The following PLCG2 variants were observed in gnomAD, a reference collection of about 807,000 sequenced individuals.
The protein encoded by PLCG2 is 1-phosphatidylinositol 4,5-bisphosphate phosphodiesterase gamma-2.
Under a neutral mutation model 175.6 loss-of-function variants are expected in PLCG2, and 69 were observed. The ratio of observed to expected loss-of-function variants is 0.39; its 90% CI spans 0.32 to 0.48. PLCG2 has a LOEUF of 0.48. Ranked by LOEUF, PLCG2 falls within the 20% of genes least tolerant of loss-of-function variation. The pLI, the probability that PLCG2 is intolerant of heterozygous loss-of-function variation, is 0.91. For synonymous variants in PLCG2, 827 were observed against 624.0 expected (o/e 1.33, Z -4.85); for missense variants, 1,798 against 1,650.9 (o/e 1.09, Z -1.54).
At chr16:81,889,392 A>G (rs1908525938) in intron 10 of PLCG2, 119 bp downstream of exon 10, 2 of 633,068 alleles carry the variant, frequency 3.2e-6, no homozygotes, top group Admixed American at 5.6e-5. Flanking sequence ...TGTTGCCTCG[A>G]CTGACTGGTT....
At chr16:81,928,823 G>GTC (rs1328170404) in intron 24 of PLCG2, 199 bp downstream of exon 24, 1 of 499,764 alleles carries the variant, frequency 2.0e-6, no homozygotes, top group African/African-American at 1.9e-5. Context: ...TACTAAAACT[G>GTC]TAAGTGCTAA....
At chr16:81,920,028 GGAGGAAGA>G (rs1444963554) in intron 20 of PLCG2, among the ~76,000 whole-genome samples, 1 of 152,196 alleles carries the variant, frequency 6.6e-6, no homozygotes, top group Non-Finnish European at 1.5e-5. Context: ...GGTATGTTCT[GGAGGAAGA>G]GAGGATAGCA....
chr16:81,740,746 A>C (rs1597299415), intron 1 of PLCG2, among the ~76,000 whole-genome samples: 2 of 142,984 alleles, frequency 1.4e-5, no homozygotes, highest in South Asian at 2.3e-4. Flanking sequence ...AAAAAAAAAA[A>C]AAAAAAAAAA....
At chr16:81,945,382 A>G (rs2143752375) in intron 30 of PLCG2, among the ~76,000 whole-genome samples, 1 of 152,388 alleles carries the variant, frequency 6.6e-6, no homozygotes, top group South Asian at 2.1e-4. Context: ...GTAAGGCACT[A>G]TCATTTGTGA....
At position 81,786,001 on chromosome 16, in the gene PLCG2, G is replaced by T. The variant is rs376949064; in HGVS notation, c.12G>T (p.Thr4=). 6.2e-7 allele frequency: 1 copy of T among 1,613,832 alleles called. No individual in the cohort carries two copies. Among genetic ancestry groups the T allele is most frequent in the Admixed American group, 1.7e-5 (1 of 59,954 alleles). Residue 4 remains threonine (T), a synonymous_variant, in exon 2 of 33, where the codon ACG becomes ACT. Coordinates refer to ENST00000564138, the MANE Select transcript of PLCG2 (RefSeq NM_002661.5). Reference sequence around the variant, plus strand: ...TGGAGCGGCCGACAATGTCCACCACGGTCAATGTAGATTCCCTTGCGGAAT... The same window carrying T: ...TGGAGCGGCCGACAATGTCCACCACTGTCAATGTAGATTCCCTTGCGGAAT... MST[T]VNVDSLAEYE... is the part of the protein sequence containing the mutation.
rs867610672 is a variant in PLCG2, at chr16:81,960,886, C to T, written c.*2888C>T. The T allele has an allele frequency of 4.4e-6, 1 of 229,436 alleles. No homozygotes were observed. Among genetic ancestry groups the T allele is most frequent in the South Asian group, 1.8e-4 (1 of 5,488 alleles). 14.2% of individuals were successfully genotyped at this position (229,436 alleles called of 1,614,324 possible). Reference sequence around the variant, plus strand: ...GGAGCAGTGTTCAGAGCCTCATCTTCCTGTTATATTCTTCTCTAAGATTCA... The same window carrying T: ...GGAGCAGTGTTCAGAGCCTCATCTTTCTGTTATATTCTTCTCTAAGATTCA... On this transcript the variant is annotated 3_prime_UTR_variant, in exon 33 of 33. Transcript: ENST00000564138.
At position 81,760,552 on chromosome 16, in the gene PLCG2, G is replaced by C. The variant is rs575824720; in HGVS notation, c.-48+4586G>C. On this transcript the variant is annotated intron_variant, in intron 2 of 5. Coordinates refer to the PLCG2 transcript ENST00000565054. ...GGCTAGGTGTGGCCTTATATGGGGA[G>C]GCAGTCAAACATAGGAGGTCAAATT... 4.6e-5 allele frequency among the ~76,000 whole-genome samples: 7 copies of C among 152,026 alleles called. No individual in the cohort carries two copies. The East Asian group carries it at 1.2e-3, about 25-fold the overall frequency.
chr16:81,758,192 G>C (rs759113110), intron 2 of PLCG2, among the ~76,000 whole-genome samples: 1 of 152,130 alleles, frequency 6.6e-6, no homozygotes, highest in African/African-American at 2.4e-5. Context: ...TCCTCAGGCT[G>C]ATTTCAAAGT....
At chr16:81,928,524 C>G in intron 23 of PLCG2, 34 bp from the exon 24 acceptor site, 2 of 1,363,766 alleles carry the variant, frequency 1.5e-6, no homozygotes, top group South Asian at 2.3e-5. Context: ...ATTCCCGTTA[C>G]AACTAACGTG....
At chr16:81,937,963 G>C (rs528089075) in intron 28 of PLCG2, 60 bp downstream of exon 28, 7 of 1,557,476 alleles carry the variant, frequency 4.5e-6, no homozygotes, top group South Asian at 2.3e-5. Context: ...GGGCTGGGCC[G>C]ATGCTGTCTT....
intron 7 of PLCG2, among the ~76,000 whole-genome samples, chr16:81,879,215 G>A (rs1907961392): frequency 2.0e-5 from 3 of 152,194 alleles, no homozygotes; most frequent in Non-Finnish European, 4.4e-5. Flanking sequence ...AGCTGGGTGT[G>A]GGGCTTTGGG....
At chr16:81,911,641 C>A (rs867793714) in intron 18 of PLCG2, among the ~76,000 whole-genome samples, 1 of 151,592 alleles carries the variant, frequency 6.6e-6, no homozygotes, top group Non-Finnish European at 1.5e-5. Context: ...GACCGGGTCT[C>A]GCTCTGTCTC....
At chr16:81,925,572 C>T (rs1054807903) in intron 22 of PLCG2, among the ~76,000 whole-genome samples, 3 of 152,168 alleles carry the variant, frequency 2.0e-5, no homozygotes, top group African/African-American at 2.4e-5. Flanking sequence ...CCCACCACCA[C>T]GGAGCACAGA....
chr16:81,856,122 A>G (rs931419891), intron 3 of PLCG2, among the ~76,000 whole-genome samples: 1 of 152,174 alleles, frequency 6.6e-6, no homozygotes, highest in African/African-American at 2.4e-5. Flanking sequence ...CAAGATTTTG[A>G]TTCACATTCC....
chr16:81,785,927 A>C lies in PLCG2; in HGVS notation c.-47-16A>C, dbSNP rs114215669. The C allele has an allele frequency of 2.9e-3, 4,302 of 1,483,712 alleles. 83 individuals are homozygous for C. In the African/African-American group the frequency reaches 0.044, roughly 15 times the overall value. 91.9% of individuals were successfully genotyped at this position (1,483,712 alleles called of 1,614,324 possible). A position where few individuals can be genotyped will look rare whatever the true frequency, so the allele number is the denominator to read the frequency against. On this transcript the variant is annotated splice_polypyrimidine_tract_variant and intron_variant, in intron 1 of 32. Coordinates refer to ENST00000564138, the MANE Select transcript of PLCG2 (RefSeq NM_002661.5). ...CAGTACTAAAATCAGTTCACTCTTT[A>C]ATTCTGCCCTTTCAGCTTCCTGATT...
intron 2 of PLCG2, among the ~76,000 whole-genome samples, chr16:81,789,971 A>G (rs1003712851): frequency 6.6e-6 from 1 of 152,030 alleles, no homozygotes; most frequent in African/African-American, 2.4e-5. Flanking sequence ...TTTATTAGGT[A>G]TGAGCAGTCT....
intron 2 of PLCG2, among the ~76,000 whole-genome samples, chr16:81,839,241 C>T (rs1567491657): frequency 1.3e-5 from 2 of 152,032 alleles, no homozygotes; most frequent in Admixed American, 6.6e-5. Context: ...ATAGTATCAG[C>T]AGTAGGCAGA....
In PLCG2 at chr16:81,934,467, C is replaced by T. The variant is rs371069005; in HGVS notation, c.2778C>T (p.Ile926=). The change falls in exon 26 of 33, where the codon ATC becomes ATT. Residue 926 remains isoleucine (I), a synonymous_variant. Coordinates refer to ENST00000564138, the MANE Select transcript of PLCG2 (RefSeq NM_002661.5). ...NMKYWEKNQS[I]AIELSDLVVY... ...AGTACTGGGAGAAGAACCAGTCCAT[C>T]GCCATCGAGCTCTCTGACCTGGTTG... is the stretch of plus-strand genomic sequence containing the variant. The T allele has an allele frequency of 3.4e-4, 551 of 1,613,352 alleles. No individual in the cohort carries two copies. The highest frequency in any genetic ancestry group is 8.9e-4 in the African/African-American group (67 of 74,926).
chr16:81,944,859 C>G (rs55943110), intron 30 of PLCG2, among the ~76,000 whole-genome samples: 1 of 152,090 alleles, frequency 6.6e-6, no homozygotes. Context: ...CCATAGATAT[C>G]AAGGGCCAAC....
Sources: gnomAD v4.1 joint callset for allele counts (sites outside exome capture counted in the v4.1 genomes callset) on GRCh38, gnomAD v4.1.1 for gene constraint, MANE v1.5 for transcripts, NCBI Gene and HGNC (gene_info 2026-07-23, HGNC 2026-07-21) for gene names.